The following SEPTIN4 variants were observed in gnomAD, a reference collection of about 807,000 sequenced individuals.
The protein encoded by SEPTIN4 is septin 4.
Under a neutral mutation model 107.1 loss-of-function variants are expected in SEPTIN4, and 52 were observed. That is an observed-to-expected ratio of 0.49 (90% confidence interval 0.39 to 0.61). The LOEUF is 0.61. Among genes scored for constraint, SEPTIN4 ranks in the 20% least tolerant of loss-of-function variants. The pLI, the probability that SEPTIN4 is intolerant of heterozygous loss-of-function variation, is 0.00. For synonymous variants in SEPTIN4, 417 were observed against 467.0 expected, an observed-to-expected ratio of 0.89 and a Z score of 1.38; for missense variants, 1,048 against 1,243.5, an observed-to-expected ratio of 0.84 and a Z score of 2.36.
At chr17:58,526,144 C>T in intron 5 of SEPTIN4, 76 bp downstream of exon 5, 1 of 1,459,796 alleles carries the variant, frequency 6.9e-7, no homozygotes, top group African/African-American at 1.4e-5. Context: ...ACCTATACTC[C>T]CTTCCCACTC....
At position 58,534,535 on chromosome 17, in the gene SEPTIN4, C is replaced by T. The variant is rs142460224; in HGVS notation, c.1614+6131G>A. Reference sequence around the variant, plus strand: ...GGATTTACCGAGTGCTCTTCCTCATCTCCAGCCAGCAGGTGGCCTGGCCAA... The same window carrying T: ...GGATTTACCGAGTGCTCTTCCTCATTTCCAGCCAGCAGGTGGCCTGGCCAA... On this transcript the variant is annotated intron_variant, in intron 3 of 13. Coordinates refer to ENST00000672673, the MANE Select transcript of SEPTIN4 (RefSeq NM_001368771.2). Among the ~76,000 whole-genome samples, 60 of 152,372 alleles carry T rather than the reference C, an allele frequency of 3.9e-4. 2 individuals are homozygous for T. In the East Asian group the frequency reaches 0.011, roughly 27 times the overall value.
intron 3 of SEPTIN4, chr17:58,528,125 C>T (rs376769400): frequency 1.5e-5 from 12 of 804,688 alleles, no homozygotes; most frequent in African/African-American, 3.7e-5. Context: ...GAGGCTGACT[C>T]ACTCTCTGAG....
Position 58,525,069 on chromosome 17 carries a change from C to CAGG in SEPTIN4, c.2216+8_2216+9insCCT. ...AGGGGCAGCTGGGATTGTGCTTACT[C>CAGG]AGACATACCACTCTGTGTTGTTGAC... On this transcript the variant is annotated intron_variant, in intron 7 of 13. Transcript: ENST00000672673. 6.2e-7 allele frequency: 1 copy of CAGG among 1,614,110 alleles called. No individual in the cohort carries two copies. The highest frequency in any genetic ancestry group is 8.5e-7 in the Non-Finnish European group (1 of 1,179,986).
At chr17:58,526,397 G>T (rs1327061315) in intron 4 of SEPTIN4, 84 bp from the exon 5 acceptor site, 2 of 1,392,802 alleles carry the variant, frequency 1.4e-6, no homozygotes, top group African/African-American at 1.5e-5. Context: ...TCCCTTTCAG[G>T]CCTTTGCCCC....
At chr17:58,522,507 A>G (rs576845044) in intron 7 of SEPTIN4, among the ~76,000 whole-genome samples, 38 of 151,984 alleles carry the variant, frequency 2.5e-4, no homozygotes, top group African/African-American at 8.7e-4. Flanking sequence ...TAAAAATACA[A>G]AAATTAGCTG....
At chr17:58,535,010 T>C (rs1356729436) in intron 3 of SEPTIN4, among the ~76,000 whole-genome samples, 1 of 152,238 alleles carries the variant, frequency 6.6e-6, no homozygotes, top group Non-Finnish European at 1.5e-5. Flanking sequence ...GCGCAAGAAC[T>C]AATTGTACAT....
At position 58,544,008 on chromosome 17, in the gene SEPTIN4, G is replaced by A. The variant is rs1282423046; in HGVS notation, c.179C>T (p.Thr60Ile). The change falls in exon 1 of 14, where the codon ACT (threonine) becomes ATT (isoleucine). Residue 60 changes from threonine to isoleucine, a missense_variant. Coordinates refer to ENST00000672673, the MANE Select transcript of SEPTIN4 (RefSeq NM_001368771.2). ...HRRSEAAHPT[T>I]PHSASDYPRS... ...AGGGTAGTCTGATGCTGAATGGGGA[G>A]TGGTGGGATGTGCAGCTTCTGATCT... 11 of 1,614,094 alleles carry A rather than the reference G, an allele frequency of 6.8e-6. No homozygotes were observed. Among genetic ancestry groups the A allele is most frequent in the East Asian group, 2.2e-5 (1 of 44,870 alleles).
intron 2 of SEPTIN4, 94 bp downstream of exon 2, chr17:58,541,828 G>A (rs1010215943): frequency 6.2e-6 from 10 of 1,612,760 alleles, no homozygotes; most frequent in Middle Eastern, 1.6e-4. Context: ...TCTCCTAAAC[G>A]ACCCAGCTCT....
chr17:58,520,691 C>G (rs957270840), intron 13 of SEPTIN4, 52 bp downstream of exon 13: 6 of 1,605,830 alleles, frequency 3.7e-6, no homozygotes, highest in Non-Finnish European at 5.1e-6. Context: ...AAAGAGATAC[C>G]AACGTTGGTG....
chr17:58,534,491 C>A (rs2043641935), intron 3 of SEPTIN4, among the ~76,000 whole-genome samples: 3 of 152,250 alleles, frequency 2.0e-5, no homozygotes, highest in Admixed American at 2.0e-4. Context: ...GATACAGCAG[C>A]CCTTGCGTCA....
chr17:58,531,576 G>A (rs1299469005), intron 3 of SEPTIN4: 1 of 158,538 alleles, frequency 6.3e-6, no homozygotes, highest in Non-Finnish European at 1.4e-5. Flanking sequence ...GGTGGGTGAG[G>A]AGGGGTTACT....
rs1424989169 is a variant in SEPTIN4, at chr17:58,543,816, C to T, written c.371G>A (p.Ser124Asn). The T allele has an allele frequency of 6.2e-7, 1 of 1,614,158 alleles. No homozygotes were observed. ...TCGTGCTGCTTCCTCTCTGGGTGGACTAACTTTCCATTGTCTGCTTGAAGC... is the reference window on the plus strand; with the variant it reads ...TCGTGCTGCTTCCTCTCTGGGTGGATTAACTTTCCATTGTCTGCTTGAAGC... ...SHASSRQWKV[S>N]PPREEAARRG... The change falls in exon 1 of 14, where the codon AGT becomes AAT. Residue 124 changes from serine (S) to asparagine (N), a missense_variant. Physicochemically the swap from Ser to Asn is conservative, Grantham distance 46. Transcript: ENST00000672673.
chr17:58,530,900 CAAACCTG>C (rs1463222643), intron 3 of SEPTIN4: 1 of 152,326 alleles, frequency 6.6e-6, no homozygotes, highest in African/African-American at 2.4e-5. Context: ...TTGGCCCTAC[CAAACCTG>C]AAAGCTTCTG....
At chr17:58,541,532 C>T (rs1395493981) in intron 2 of SEPTIN4, 1 of 320,204 alleles carries the variant, frequency 3.1e-6, no homozygotes, top group South Asian at 5.3e-5. Flanking sequence ...CAGAGAAACA[C>T]ATGAGAAGAG....
At position 58,539,417 on chromosome 17, in the gene SEPTIN4, G is replaced by T. The variant is rs563306313; in HGVS notation, c.1614+1249C>A. Among the ~76,000 whole-genome samples, 8 of 152,240 alleles carry T rather than the reference G, an allele frequency of 5.3e-5. No individual in the cohort carries two copies. In the South Asian group the frequency reaches 1.7e-3, roughly 32 times the overall value. On this transcript the variant is annotated intron_variant, in intron 3 of 13. Coordinates refer to ENST00000672673, the MANE Select transcript of SEPTIN4 (RefSeq NM_001368771.2). ...CAAAGGTACAGATTTGCATCTAGGG[G>T]TGAGCAAAAGGCTAGCTAAGACACC...
intron 3 of SEPTIN4, chr17:58,532,149 T>C (rs1349183737): frequency 9.8e-7 from 1 of 1,015,656 alleles, no homozygotes; most frequent in Non-Finnish European, 1.2e-6. Flanking sequence ...CCTCAGCTGC[T>C]AGCGGTGCCG....
rs2043929138 is a variant in SEPTIN4 at position 58,543,158 on chromosome 17, TGACTGTACCCCTGGGGA to T, written c.1012_1028del (p.Pro339ArgfsTer13). The T allele has an allele frequency of 6.2e-7, 1 of 1,613,406 alleles. No homozygotes were observed. The highest frequency in any genetic ancestry group is 8.5e-7 in the Non-Finnish European group (1 of 1,179,642). Reference sequence around the variant, plus strand: ...CTGTCACATGGTGAGTTGGCTCTACTGACTGTACCCCTGGGGAGATGGTGACCCTGCGGCCAACCTCG... The same window carrying T: ...CTGTCACATGGTGAGTTGGCTCTACTGATGGTGACCCTGCGGCCAACCTCG... On this transcript the variant is annotated frameshift_variant, in exon 1 of 14. Coordinates refer to ENST00000672673, the MANE Select transcript of SEPTIN4 (RefSeq NM_001368771.2). LOFTEE classifies it high-confidence loss of function.
intron 3 of SEPTIN4, among the ~76,000 whole-genome samples, chr17:58,529,642 TGAG>T (rs774711258): frequency 6.6e-5 from 10 of 152,154 alleles, no homozygotes; most frequent in Admixed American, 2.0e-4. Flanking sequence ...CATCAGCACA[TGAG>T]GACAGCCACC....
chr17:58,523,759 T>C (rs2042532895), intron 7 of SEPTIN4, among the ~76,000 whole-genome samples: 2 of 152,104 alleles, frequency 1.3e-5, no homozygotes, highest in Non-Finnish European at 2.9e-5. Context: ...TCATTTGCAC[T>C]GGGCCCAACA....
Sources: gnomAD v4.1 joint callset for allele counts (sites outside exome capture counted in the v4.1 genomes callset) on GRCh38, gnomAD v4.1.1 for gene constraint, MANE v1.5 for transcripts, NCBI Gene and HGNC (gene_info 2026-07-23, HGNC 2026-07-21) for gene names.